NRXN1: variants seen among roughly 807,000 people sequenced by gnomAD.
NRXN1 encodes the protein neurexin 1, also known as neurexin-1.
NRXN1 carries 39 observed loss-of-function variants against 150.9 expected under a neutral mutation model. That is an observed-to-expected ratio of 0.26 (90% CI 0.20 to 0.34). The LOEUF (loss-of-function observed/expected upper bound fraction) is 0.34, where lower values mean the gene tolerates loss of function less well. Ranked by LOEUF, NRXN1 falls within the 10% of genes least tolerant of loss-of-function variation. The pLI is 1.00. For synonymous variants in NRXN1, 924 were observed against 757.0 expected (o/e 1.22, Z -3.62); for missense variants, 1,815 against 1,949.9 (o/e 0.93, Z 1.30).
intron 5 of NRXN1, among the ~76,000 whole-genome samples, chr2:50,659,381 G>A (rs1282038779): frequency 6.6e-6 from 1 of 151,714 alleles, no homozygotes; most frequent in African/African-American, 2.4e-5. Flanking sequence ...TGGGTATACA[G>A]GATAACACAG....
At chr2:50,139,886 T>A (rs556017910) in intron 18 of NRXN1, among the ~76,000 whole-genome samples, 1 of 152,274 alleles carries the variant, frequency 6.6e-6, no homozygotes, top group East Asian at 1.9e-4. Context: ...ATGTGGGAGC[T>A]GAAAATGTTA....
rs372557972 is a variant in NRXN1, at chr2:50,648,195, G to A, written c.833-24580C>T. Among the ~76,000 whole-genome samples, 13 of 151,570 alleles carry A rather than the reference G, an allele frequency of 8.6e-5. No individual in the cohort carries two copies. The East Asian group carries it at 9.8e-4, about 11-fold the overall frequency. On this transcript the variant is annotated intron_variant, in intron 5 of 22. Coordinates refer to ENST00000401669, the MANE Select transcript of NRXN1 (RefSeq NM_001330078.2). The stretch of plus-strand genomic sequence containing the variant: ...CTACAGAGACTCAATCGCCAACAAC[G>A]ACATAAGGCAAAACCTCCCACAGAG...
chr2:50,605,698 G>A (rs1182371125), intron 8 of NRXN1, among the ~76,000 whole-genome samples: 2 of 152,150 alleles, frequency 1.3e-5, no homozygotes, highest in Admixed American at 6.5e-5. Context: ...TAGTGAACAT[G>A]CAAAATGGTG....
At chr2:50,836,572 T>C (rs775656461) in intron 5 of NRXN1, among the ~76,000 whole-genome samples, 19 of 152,124 alleles carry the variant, frequency 1.2e-4, no homozygotes, top group Admixed American at 4.6e-4. Context: ...CATGCAGTAT[T>C]TGTCCTTTTA....
At chr2:50,821,512 G>C (rs561157841) in intron 5 of NRXN1, among the ~76,000 whole-genome samples, 17 of 152,232 alleles carry the variant, frequency 1.1e-4, no homozygotes, top group African/African-American at 3.9e-4. Flanking sequence ...TAAGACTGTA[G>C]TGATTAAGTG....
At chr2:50,117,777 A>AG (rs1342390817) in intron 18 of NRXN1, among the ~76,000 whole-genome samples, 1 of 151,776 alleles carries the variant, frequency 6.6e-6, no homozygotes, top group Non-Finnish European at 1.5e-5. Flanking sequence ...GCTGTCAGAA[A>AG]AAAAAAAAAA....
chr2:50,499,947 C>CAAAAA (rs34753485), intron 13 of NRXN1, among the ~76,000 whole-genome samples: 2 of 87,724 alleles, frequency 2.3e-5, no homozygotes, highest in African/African-American at 3.8e-5. Flanking sequence ...GACTCCATCT[C>CAAAAA]AAAAAAAAAA....
chr2:50,099,447 C>G (rs537803334), intron 18 of NRXN1, among the ~76,000 whole-genome samples: 1 of 152,134 alleles, frequency 6.6e-6, no homozygotes, highest in South Asian at 2.1e-4. Flanking sequence ...AGTATATTCA[C>G]AAGGTTGTGC....
chr2:50,009,653 G>A lies in NRXN1; in HGVS notation c.4128+43618C>T, dbSNP rs188204096. Among the ~76,000 whole-genome samples the A allele has an allele frequency of 5.9e-4, 89 of 152,038 alleles. 1 individual carries two copies. The highest frequency in any genetic ancestry group is 2.5e-3 in the East Asian group (13 of 5,164). ...GTCATTACTTTTGGTAATTAAAATC[G>A]TACAAAAAGAGAGACATATCCAATT... On this transcript the variant is annotated intron_variant, in intron 21 of 22. Transcript: ENST00000401669.
At chr2:50,858,588 C>T (rs751748928) in intron 5 of NRXN1, among the ~76,000 whole-genome samples, 3 of 151,674 alleles carry the variant, frequency 2.0e-5, no homozygotes, top group African/African-American at 7.3e-5. Flanking sequence ...AAAAAAAATG[C>T]GGGTCTTTGC....
intron 8 of NRXN1, chr2:50,554,390 A>G (rs375732982): frequency 6.6e-6 from 1 of 152,170 alleles, no homozygotes; most frequent in Admixed American, 6.5e-5. Context: ...TATTTTTCAG[A>G]GTAATTAAGA....
At chr2:50,469,590 C>T (rs2089264666) in intron 16 of NRXN1, among the ~76,000 whole-genome samples, 1 of 151,324 alleles carries the variant, frequency 6.6e-6, no homozygotes, top group Non-Finnish European at 1.5e-5. Context: ...ACAGTTAAAA[C>T]ACTAATCCTA....
At chr2:50,436,197 T>C (rs1467285118) in intron 17 of NRXN1, among the ~76,000 whole-genome samples, 3 of 152,198 alleles carry the variant, frequency 2.0e-5, no homozygotes, top group Non-Finnish European at 4.4e-5. Flanking sequence ...CTCACGCCTG[T>C]AATCCCAGCA....
At chr2:50,173,561 T>A (rs906193091) in intron 18 of NRXN1, among the ~76,000 whole-genome samples, 2 of 152,120 alleles carry the variant, frequency 1.3e-5, no homozygotes, top group African/African-American at 4.8e-5. Context: ...ACACCATGAG[T>A]ATATTTGTGA....
At chr2:50,148,103 G>T (rs960618964) in intron 18 of NRXN1, among the ~76,000 whole-genome samples, 2 of 151,596 alleles carry the variant, frequency 1.3e-5, no homozygotes, top group African/African-American at 4.8e-5. Flanking sequence ...ATTCACACAA[G>T]CATATGCTGT....
chr2:50,577,900 C>T (rs1671681009), intron 8 of NRXN1, among the ~76,000 whole-genome samples: 1 of 152,096 alleles, frequency 6.6e-6, no homozygotes, highest in African/African-American at 2.4e-5. Flanking sequence ...ATAATGTCAT[C>T]TAATTATCTT....
intron 17 of NRXN1, among the ~76,000 whole-genome samples, chr2:50,373,690 G>A (rs28696246): frequency 0.25 from 21,324 of 84,508 alleles, 3,180 homozygotes; most frequent in East Asian, 0.48. Flanking sequence ...AAAGAAAGAA[G>A]GAAAGAAAGA....
At chr2:49,938,068 A>G (rs1379483988) in intron 22 of NRXN1, among the ~76,000 whole-genome samples, 1 of 152,204 alleles carries the variant, frequency 6.6e-6, no homozygotes, top group Admixed American at 6.5e-5. Flanking sequence ...TAATAGTAAT[A>G]CATGTAAAGA....
In NRXN1 at chr2:49,926,413, A is replaced by G. The variant is rs530132349; in HGVS notation, c.4217-4162T>C. The G allele has an allele frequency of 6.8e-5, 27 of 398,388 alleles. No homozygotes were observed. The South Asian group carries it at 1.1e-3, about 17-fold the overall frequency. The allele number at this position is 398,388 out of a possible 1,614,324, so 24.7% of individuals were successfully genotyped here. A position where few individuals can be genotyped will look rare whatever the true frequency, so the allele number is the denominator to read the frequency against. ...TCCCTGTAGATTTATCAAGAATCCT[A>G]TGAATCTTCTTGTTTTTTGTTGTCT... On this transcript the variant is annotated intron_variant, in intron 22 of 22. Transcript: ENST00000401669.
Sources: allele counts gnomAD v4.1 joint callset (sites outside exome capture counted in the v4.1 genomes callset), GRCh38; gene constraint gnomAD v4.1.1; transcripts MANE v1.5; gene names NCBI Gene and HGNC (gene_info 2026-07-23, HGNC 2026-07-21).